PDGFD: variants seen among roughly 807,000 people sequenced by gnomAD.
The protein encoded by PDGFD is platelet-derived growth factor D.
PDGFD carries 30 observed loss-of-function variants against 44.7 expected under a neutral mutation model. The observed-to-expected ratio is 0.67, with a 90% CI of 0.50 to 0.91. The LOEUF (loss-of-function observed/expected upper bound fraction) is 0.91, where lower values mean the gene tolerates loss of function less well. Ranked by LOEUF, PDGFD falls within the 40% of genes least tolerant of loss-of-function variation. The probability of loss-of-function intolerance (pLI) is 0.00; values close to 1 mark genes in which losing one functional copy is unlikely to be tolerated. For synonymous variants in PDGFD, 173 were observed against 168.4 expected, an observed-to-expected ratio of 1.03 and a Z score of -0.21; for missense variants, 445 against 457.8, an observed-to-expected ratio of 0.97 and a Z score of 0.25.
chr11:104,043,193 T>G (rs768806761), intron 1 of PDGFD, among the ~76,000 whole-genome samples: 12 of 152,150 alleles, frequency 7.9e-5, no homozygotes, highest in Non-Finnish European at 1.5e-4. Context: ...TGCTCCCCAT[T>G]TGAGACACTA....
chr11:104,004,909 C>T (rs1181585718), intron 1 of PDGFD, among the ~76,000 whole-genome samples: 1 of 109,338 alleles, frequency 9.1e-6, no homozygotes. Context: ...GACAGTGTCT[C>T]ATTATGTCAC....
chr11:103,946,101 A>G (rs1439421832), intron 4 of PDGFD: 2 of 152,050 alleles, frequency 1.3e-5, no homozygotes, highest in African/African-American at 4.8e-5. Context: ...CGTATTTATA[A>G]AAATCAATTC....
At chr11:103,993,303 C>A (rs973548909) in intron 3 of PDGFD, among the ~76,000 whole-genome samples, 31 of 151,896 alleles carry the variant, frequency 2.0e-4, no homozygotes, top group African/African-American at 7.3e-4. Flanking sequence ...ACTTAAACTT[C>A]TGGGCTCAAG....
At chr11:104,044,181 A>G (rs1245560550) in intron 1 of PDGFD, among the ~76,000 whole-genome samples, 1 of 152,376 alleles carries the variant, frequency 6.6e-6, no homozygotes, top group African/African-American at 2.4e-5. Context: ...TTGGGCATTT[A>G]TAAAACCGAG....
At chr11:103,985,197 A>G (rs1301049312) in intron 3 of PDGFD, among the ~76,000 whole-genome samples, 4 of 87,772 alleles carry the variant, frequency 4.6e-5, no homozygotes, top group African/African-American at 8.3e-5. Flanking sequence ...TATAATATAT[A>G]TTAATACACA....
At chr11:104,127,443 T>A (rs572808549) in intron 1 of PDGFD, among the ~76,000 whole-genome samples, 3 of 152,270 alleles carry the variant, frequency 2.0e-5, no homozygotes, top group Non-Finnish European at 4.4e-5. Context: ...TGAAGCCAGA[T>A]TCACTTTTTG....
At chr11:103,991,226 G>A (rs2134359337) in intron 3 of PDGFD, among the ~76,000 whole-genome samples, 1 of 152,018 alleles carries the variant, frequency 6.6e-6, no homozygotes. Context: ...TTTACCAACT[G>A]GTAAATTTTA....
chr11:104,122,503 C>T, intron 1 of PDGFD, among the ~76,000 whole-genome samples: 1 of 151,982 alleles, frequency 6.6e-6, no homozygotes, highest in East Asian at 1.9e-4. Context: ...CCTTGCATTT[C>T]ACAGCAGAAC....
chr11:104,134,173 G>T (rs993149780), intron 1 of PDGFD, among the ~76,000 whole-genome samples: 1 of 117,698 alleles, frequency 8.5e-6, no homozygotes, highest in Admixed American at 8.5e-5. Context: ...ATATTTAGGG[G>T]TCACAAACAC....
At chr11:104,131,329 G>A (rs1446042649) in intron 1 of PDGFD, among the ~76,000 whole-genome samples, 1 of 152,138 alleles carries the variant, frequency 6.6e-6, no homozygotes, top group Non-Finnish European at 1.5e-5. Context: ...TTGAAGTTTG[G>A]AAATGACAGC....
At chr11:104,056,896 G>A (rs760113531) in intron 1 of PDGFD, among the ~76,000 whole-genome samples, 4 of 152,116 alleles carry the variant, frequency 2.6e-5, no homozygotes, top group Admixed American at 6.5e-5. Flanking sequence ...TTGGGAGGCC[G>A]AGGCAGGAGT....
intron 1 of PDGFD, among the ~76,000 whole-genome samples, chr11:104,022,540 C>T (rs1182361091): frequency 1.4e-4 from 21 of 151,950 alleles, no homozygotes; most frequent in Admixed American, 1.4e-3. Flanking sequence ...GGTCAATTTC[C>T]AAAATACCTG....
chr11:103,962,522 C>T (rs372302848), intron 3 of PDGFD, among the ~76,000 whole-genome samples: 26 of 152,242 alleles, frequency 1.7e-4, no homozygotes, highest in Admixed American at 5.2e-4. Flanking sequence ...AAAGCAAACT[C>T]CATGCCTGTA....
At chr11:103,968,026 G>A (rs183720886) in intron 3 of PDGFD, among the ~76,000 whole-genome samples, 19 of 152,202 alleles carry the variant, frequency 1.2e-4, no homozygotes, top group African/African-American at 4.6e-4. Context: ...CCTCTGAATT[G>A]CCAAAGCCAA....
intron 1 of PDGFD, among the ~76,000 whole-genome samples, chr11:104,013,743 T>C (rs1007821810): frequency 6.6e-6 from 1 of 152,028 alleles, no homozygotes. Context: ...TGTTTTTCAA[T>C]AGGTAGCATG....
chr11:104,048,948 C>CA (rs1395524604), intron 1 of PDGFD, among the ~76,000 whole-genome samples: 2 of 152,124 alleles, frequency 1.3e-5, no homozygotes, highest in Admixed American at 1.3e-4. Context: ...CACTTTACAA[C>CA]AAAAAACCTG....
chr11:104,120,809 T>A (rs1565341518), intron 1 of PDGFD, among the ~76,000 whole-genome samples: 2 of 151,926 alleles, frequency 1.3e-5, no homozygotes, highest in South Asian at 2.1e-4. Context: ...TTTCCCACTA[T>A]CCTGTCACAA....
At chr11:104,096,093 A>G (rs1349029046) in intron 1 of PDGFD, among the ~76,000 whole-genome samples, 1 of 152,214 alleles carries the variant, frequency 6.6e-6, no homozygotes, top group Non-Finnish European at 1.5e-5. Flanking sequence ...TCCTGTTATT[A>G]TTACAGTAAA....
At chr11:104,019,569 C>T (rs1189189660) in intron 1 of PDGFD, among the ~76,000 whole-genome samples, 1 of 152,090 alleles carries the variant, frequency 6.6e-6, no homozygotes, top group Non-Finnish European at 1.5e-5. Flanking sequence ...AGACAAAAGA[C>T]ATAAATCTAA....
Sources: gnomAD v4.1 joint callset for allele counts (sites outside exome capture counted in the v4.1 genomes callset) on GRCh38, gnomAD v4.1.1 for gene constraint, MANE v1.5 for transcripts, NCBI Gene and HGNC (gene_info 2026-07-23, HGNC 2026-07-21) for gene names.